Variants in KDM5B observed in about 807,000 individuals in gnomAD.
The protein encoded by KDM5B is lysine demethylase 5B, also known as lysine-specific demethylase 5B.
KDM5B carries 144 observed loss-of-function variants against 193.4 expected under a neutral mutation model. The observed-to-expected ratio is 0.74, with a 90% CI of 0.65 to 0.86. The LOEUF (loss-of-function observed/expected upper bound fraction) is 0.86. KDM5B is among the 40% of genes least tolerant of loss of function. KDM5B has a pLI of 0.00. For synonymous variants in KDM5B, 668 were observed against 682.6 expected, an observed-to-expected ratio of 0.98 and a Z score of 0.33; for missense variants, 1,833 against 1,886.9, an observed-to-expected ratio of 0.97 and a Z score of 0.53.
chr1:202,798,606 G>A (rs1022278929), intron 1 of KDM5B, among the ~76,000 whole-genome samples: 1 of 152,132 alleles, frequency 6.6e-6, no homozygotes, highest in African/African-American at 2.4e-5. Flanking sequence ...GTGTGTGCCT[G>A]TAATCTCAAC....
At chr1:202,764,534 C>G (rs2102279082) in intron 5 of KDM5B, among the ~76,000 whole-genome samples, 1 of 152,236 alleles carries the variant, frequency 6.6e-6, no homozygotes, top group Admixed American at 6.5e-5. Context: ...ACTTGGGAGG[C>G]TGAGGCAGGA....
chr1:202,782,100 T>C (rs906011014), intron 1 of KDM5B, among the ~76,000 whole-genome samples: 2 of 152,152 alleles, frequency 1.3e-5, no homozygotes, highest in Admixed American at 1.3e-4. Context: ...AGGATGCTCA[T>C]ACAGTGGGTA....
chr1:202,749,108 T>C lies in KDM5B; in HGVS notation c.1853A>G (p.Tyr618Cys). 1 of 1,613,772 alleles carries C rather than the reference T, an allele frequency of 6.2e-7. No homozygotes were observed. Among genetic ancestry groups the C allele is most frequent in the Non-Finnish European group, 8.5e-7 (1 of 1,179,922 alleles). The change falls in exon 14 of 27, where the codon TAT becomes TGT. Residue 618 changes from tyrosine to cysteine, a missense_variant. Transcript: ENST00000367265. Reference protein sequence around the residue: ...LPLGRQCVEHYRLLHRYCVFS... With the variant: ...LPLGRQCVEHCRLLHRYCVFS... ...CACACAATATCGATGAAGCAAGCGA[T>C]AATGCTCCACACACTGTCGGCCTAA...
At position 202,729,178 on chromosome 1, in the gene KDM5B, T is replaced by C; in HGVS notation, c.4498-5A>G. ...ATCACACTGGACCCAGTCCACCTGG[T>C]TACAAAGAGCAGGAAGATGGGGTTT... On this transcript the variant is annotated splice_polypyrimidine_tract_variant and splice_region_variant and intron_variant, in intron 26 of 26. Transcript: ENST00000367265. 2.5e-6 allele frequency: 4 copies of C among 1,613,974 alleles called. No individual in the cohort carries two copies. Among genetic ancestry groups the C allele is most frequent in the Non-Finnish European group, 3.4e-6 (4 of 1,179,940 alleles).
At chr1:202,758,282 G>T in intron 9 of KDM5B, 109 bp downstream of exon 9, 2 of 764,204 alleles carry the variant, frequency 2.6e-6, no homozygotes, top group Non-Finnish European at 3.9e-6. Flanking sequence ...TCTGCTTTCT[G>T]TGTGACAATG....
intron 20 of KDM5B, among the ~76,000 whole-genome samples, chr1:202,740,468 A>G (rs574971503): frequency 1.9e-4 from 13 of 67,440 alleles, no homozygotes; most frequent in Non-Finnish European, 3.2e-4. Flanking sequence ...TGACCCCCTC[A>G]CCTCCCTCCC....
intron 25 of KDM5B, 139 bp from the exon 26 acceptor site, chr1:202,730,166 C>T (rs1654831059): frequency 2.7e-6 from 2 of 740,328 alleles, no homozygotes; most frequent in Non-Finnish European, 4.3e-6. Flanking sequence ...ATCTTAACCA[C>T]TCCCCTCCCA....
chr1:202,777,365 A>AC (rs1657000630), intron 1 of KDM5B, among the ~76,000 whole-genome samples: 1 of 152,072 alleles, frequency 6.6e-6, no homozygotes, highest in Non-Finnish European at 1.5e-5. Context: ...AAAAAAAAAA[A>AC]AAAAAACACT....
At chr1:202,765,603 T>C (rs1476193124) in intron 5 of KDM5B, among the ~76,000 whole-genome samples, 1 of 152,262 alleles carries the variant, frequency 6.6e-6, no homozygotes, top group African/African-American at 2.4e-5. Context: ...ACTTTAAACA[T>C]GCTTATGGGC....
At chr1:202,750,222 A>G (rs1291475512) in intron 13 of KDM5B, among the ~76,000 whole-genome samples, 1 of 152,206 alleles carries the variant, frequency 6.6e-6, no homozygotes, top group Non-Finnish European at 1.5e-5. Context: ...GTGGACTGGT[A>G]AACAATTTGC....
At chr1:202,784,800 G>T (rs1318578874) in intron 1 of KDM5B, among the ~76,000 whole-genome samples, 1 of 152,182 alleles carries the variant, frequency 6.6e-6, no homozygotes, top group Non-Finnish European at 1.5e-5. Context: ...AGCACTTTGG[G>T]AGGCCCAGAC....
chr1:202,774,409 T>C (rs1656850220), intron 3 of KDM5B, among the ~76,000 whole-genome samples: 1 of 152,094 alleles, frequency 6.6e-6, no homozygotes, highest in African/African-American at 2.4e-5. Context: ...CCATGCCTAA[T>C]TTCCAAATTT....
intron 11 of KDM5B, among the ~76,000 whole-genome samples, chr1:202,754,050 T>TA (rs1329621595): frequency 1.3e-5 from 2 of 152,208 alleles, no homozygotes; most frequent in African/African-American, 4.8e-5. Flanking sequence ...CCCACAAGGG[T>TA]AAGGCAACTT....
chr1:202,757,097 G>T (rs776502825), intron 9 of KDM5B, among the ~76,000 whole-genome samples: 6 of 30,734 alleles, frequency 2.0e-4, no homozygotes, highest in Non-Finnish European at 4.2e-4. Flanking sequence ...GCTGGGAGGT[G>T]GGGGGGGGAT....
intron 26 of KDM5B, 169 bp downstream of exon 26, chr1:202,729,538 C>T (rs547411238): frequency 3.2e-6 from 2 of 628,032 alleles, no homozygotes; most frequent in South Asian, 2.1e-5. Flanking sequence ...GGAGGAGACC[C>T]AGGAACGATG....
chr1:202,771,500 C>A (rs976312715), intron 4 of KDM5B, among the ~76,000 whole-genome samples: 1 of 152,110 alleles, frequency 6.6e-6, no homozygotes, highest in Non-Finnish European at 1.5e-5. Context: ...GGGGATCCAC[C>A]TGCCTCAGCC....
intron 24 of KDM5B, among the ~76,000 whole-genome samples, chr1:202,731,450 A>G (rs531853699): frequency 1.3e-5 from 2 of 152,302 alleles, no homozygotes; most frequent in Middle Eastern, 6.8e-3. Context: ...CTAGACATAC[A>G]CTGAGATGCT....
intron 1 of KDM5B, among the ~76,000 whole-genome samples, chr1:202,788,035 T>C (rs976649214): frequency 3.9e-5 from 6 of 152,200 alleles, no homozygotes; most frequent in African/African-American, 7.2e-5. Context: ...AACTGCCCTA[T>C]TGAACGCCCT....
At position 202,791,875 on chromosome 1, in the gene KDM5B, T is replaced by C. The variant is rs1050471037; in HGVS notation, c.205-14781A>G. Among the ~76,000 whole-genome samples the C allele has an allele frequency of 4.6e-5, 7 of 152,246 alleles. No individual in the cohort carries two copies. The South Asian group carries it at 1.2e-3, about 27-fold the overall frequency. ...CTGGGACTACAGGTACATGCCACCA[T>C]GCCCAGCTAATTTTTATATTTTTAG... On this transcript the variant is annotated intron_variant, in intron 1 of 26. Coordinates refer to ENST00000367265, the MANE Select transcript of KDM5B (RefSeq NM_006618.5).
Sources: allele counts gnomAD v4.1 joint callset (sites outside exome capture counted in the v4.1 genomes callset), GRCh38; gene constraint gnomAD v4.1.1; transcripts MANE v1.5; gene names NCBI Gene and HGNC (gene_info 2026-07-23, HGNC 2026-07-21).